Variants in TAS2R10 observed in about 807,000 individuals in gnomAD.
TAS2R10 encodes the protein taste 2 receptor member 10.
For synonymous variants in TAS2R10, 144 were observed against 126.6 expected, an observed-to-expected ratio of 1.14 and a Z score of -0.92; for missense variants, 385 against 362.0, an observed-to-expected ratio of 1.06 and a Z score of -0.52.
At chr12:10,826,220 GACTC>G in the TAS2R10 span, 1 of 1,612,574 alleles carries the variant, frequency 6.2e-7, no homozygotes, top group Non-Finnish European at 8.5e-7. Context: ...CCCAAACACT[GACTC>G]ACTAACTACA....
At chr12:10,825,349 T>G in exon 1 of TAS2R10, 1 of 1,606,774 alleles carries the variant, frequency 6.2e-7, no homozygotes, top group Non-Finnish European at 8.5e-7. Context: ...AAGGTGTCTA[T>G]GTGACTCTGA....
At chr12:10,825,283 CAG>C (rs978791620), downstream of TAS2R10, 109 of 1,296,922 alleles carry the variant, frequency 8.4e-5, no homozygotes, top group Non-Finnish European at 1.1e-4. Context: ...TGCAATGAAA[CAG>C]ATCTTCAAGG....
rs562189619 is a variant in TAS2R10, at chr12:10,826,125, C to T, written c.145G>A (p.Gly49Ser). 103 of 1,613,234 alleles carry T rather than the reference C, an allele frequency of 6.4e-5. No individual in the cohort carries two copies. The highest frequency in any genetic ancestry group is 1.6e-4 in the Middle Eastern group (1 of 6,084). Residue 49 changes from glycine to serine, a missense_variant, in exon 1 of 1, where the codon GGC (glycine) becomes AGC (serine). By Grantham distance (56) the Gly-to-Ser change is moderately conservative. Coordinates refer to ENST00000240619, the Ensembl canonical transcript of TAS2R10. ...AGAAAAATTCTTGAAATAGCTAAGC[C>T]GGTGAGAATAAAGCCAATCGTAGAT...
chr12:10,826,032 G>T, exon 1 of TAS2R10: 1 of 1,613,286 alleles, frequency 6.2e-7, no homozygotes, highest in Non-Finnish European at 8.5e-7. Context: ...TATTCAATTA[G>T]GTTACCGGAG....
chr12:10,825,588 CTT>C, the TAS2R10 span: 3 of 1,613,566 alleles, frequency 1.9e-6, no homozygotes, highest in Non-Finnish European at 2.5e-6. Context: ...GATATCAAAA[CTT>C]TCATTGCCTT....
exon 1 of TAS2R10, chr12:10,826,342 G>A: frequency 2.8e-6 from 3 of 1,087,992 alleles, no homozygotes; most frequent in South Asian, 1.7e-5. Context: ...GCATATATTG[G>A]CTGCTCGACG....
rs767735776 is a variant in TAS2R10, at chr12:10,825,397, T to C, written c.873A>G (p.Val291=). 32 of 1,613,048 alleles carry C rather than the reference T, an allele frequency of 2.0e-5. No homozygotes were observed. The South Asian group carries it at 3.2e-4, about 16-fold the overall frequency. Residue 291 remains valine, a synonymous_variant, in exon 1 of 1, where the codon GTA becomes GTG. Transcript: ENST00000240619. ...TCTCACAGCACTTCAATTGCTGCAG[T>C]ACCCTCAAAGAGGCTTGCTTTAGCT...
At chr12:10,825,827 G>C (rs184682737) in exon 1 of TAS2R10, 13 of 1,612,262 alleles carry the variant, frequency 8.1e-6, no homozygotes, top group Non-Finnish European at 5.1e-6. Flanking sequence ...AAGAATCTTC[G>C]CAATGTATGC....
downstream of TAS2R10, chr12:10,825,269 G>T: frequency 1.9e-6 from 2 of 1,071,574 alleles, no homozygotes; most frequent in Non-Finnish European, 2.7e-6. Context: ...ATGCAAGAAT[G>T]CAGTGCAATG....
exon 1 of TAS2R10, chr12:10,826,248 T>C: frequency 6.2e-7 from 1 of 1,610,014 alleles, no homozygotes; most frequent in Non-Finnish European, 8.5e-7. Flanking sequence ...AAAATGAAGA[T>C]GCCTTCCACT....
the TAS2R10 span, chr12:10,825,353 ACT>A: frequency 5.6e-6 from 9 of 1,607,234 alleles, no homozygotes; most frequent in Non-Finnish European, 7.6e-6. Flanking sequence ...TGTCTATGTG[ACT>A]CTGAGATTTT....
chr12:10,825,472 T>A (rs767650003), exon 1 of TAS2R10: 1 of 1,613,780 alleles, frequency 6.2e-7, no homozygotes, highest in Non-Finnish European at 8.5e-7. Flanking sequence ...GATAGATGGC[T>A]GTGGTTGTCA....
chr12:10,825,600 T>C lies in TAS2R10; in HGVS notation c.670A>G (p.Lys224Glu), dbSNP rs1948858670. 4.3e-6 allele frequency: 7 copies of C among 1,613,698 alleles called. No homozygotes were observed. In the South Asian group the frequency reaches 7.7e-5, roughly 18 times the overall value. ...AAAGATATCAAAACTTTCATTGCCT[T>C]CACATGAGCTTCTGTGTTGGAGTCT... Residue 224 changes from lysine to glutamate, a missense_variant, in exon 1 of 1, where the codon AAG becomes GAG. Physicochemically the swap from Lys to Glu is moderately conservative, Grantham distance 56. Transcript: ENST00000240619.
rs61912242 is a variant in TAS2R10, at chr12:10,826,322, G to T, written c.-53C>A. 9,391 of 1,293,890 alleles carry T rather than the reference G, an allele frequency of 7.3e-3. 50 individuals carry two copies. The highest frequency in any genetic ancestry group is 0.018 in the African/African-American group (1,213 of 67,502). The allele number at this position is 1,293,890 out of a possible 1,614,324, so 80.2% of individuals were successfully genotyped here. On this transcript the variant is annotated 5_prime_UTR_variant, in exon 1 of 1. Coordinates refer to ENST00000240619, the Ensembl canonical transcript of TAS2R10. ...TTACATCTATCTTAGATTACCTGCT[G>T]CAGAATGAGGCATATATTGGCTGCT...
exon 1 of TAS2R10, chr12:10,825,617 T>C (rs749920889): frequency 1.2e-6 from 2 of 1,613,734 alleles, no homozygotes; most frequent in Non-Finnish European, 1.7e-6. Context: ...AGCTTCTGTG[T>C]TGGAGTCTCT....
chr12:10,826,065 TC>T, the TAS2R10 span: 6 of 1,613,028 alleles, frequency 3.7e-6, no homozygotes, highest in Non-Finnish European at 4.2e-6. Context: ...GGAGAGAATA[TC>T]TGTATAAATC....
At chr12:10,825,903 T>G (rs1948862714) in exon 1 of TAS2R10, 1 of 1,613,438 alleles carries the variant, frequency 6.2e-7, no homozygotes, top group Admixed American at 1.7e-5. Flanking sequence ...TTTGTTCTGC[T>G]CTTCAACCAG....
exon 1 of TAS2R10, chr12:10,825,835 T>C (rs1948861924): frequency 6.2e-7 from 1 of 1,612,760 alleles, no homozygotes; most frequent in Non-Finnish European, 8.5e-7. Context: ...TCGCAATGTA[T>C]GCAAAATTAA....
At chr12:10,826,351 C>T (rs988916407) in exon 1 of TAS2R10, 26 of 987,952 alleles carry the variant, frequency 2.6e-5, no homozygotes, top group African/African-American at 2.4e-4. Context: ...GGCTGCTCGA[C>T]GGAAGTGTGA....
Sources: gnomAD v4.1 joint callset for allele counts on GRCh38, gnomAD v4.1.1 for gene constraint, MANE v1.5 for transcripts, NCBI Gene and HGNC (gene_info 2026-07-23, HGNC 2026-07-21) for gene names.